CAST: variants seen among roughly 807,000 people sequenced by gnomAD.
CAST encodes the protein calpastatin.
A neutral mutation model predicts 119.6 loss-of-function variants in CAST; 76 were observed. The observed-to-expected ratio is 0.64, with a 90% CI of 0.53 to 0.77. The LOEUF (loss-of-function observed/expected upper bound fraction) is 0.77. CAST is among the 30% of genes least tolerant of loss of function. The pLI, the probability that CAST is intolerant of heterozygous loss-of-function variation, is 0.00. For synonymous variants in CAST, 319 were observed against 331.6 expected, an observed-to-expected ratio of 0.96 and a Z score of 0.41; for missense variants, 953 against 946.5, an observed-to-expected ratio of 1.01 and a Z score of -0.09.
chr5:96,395,174 C>G, the CAST span: 1 of 702,202 alleles, frequency 1.4e-6, no homozygotes, highest in Non-Finnish European at 2.5e-6. Flanking sequence ...TCCACTCTTG[C>G]TATAAAAATT....
intron 1 of CAST, among the ~76,000 whole-genome samples, chr5:96,620,640 A>G (rs867392916): frequency 6.6e-6 from 1 of 152,164 alleles, no homozygotes; most frequent in Non-Finnish European, 1.5e-5. Context: ...TTGACTTATG[A>G]TATTTATCAA....
the CAST span, among the ~76,000 whole-genome samples, chr5:96,325,586 C>A: frequency 1.3e-5 from 2 of 151,854 alleles, no homozygotes; most frequent in East Asian, 3.9e-4. Context: ...CTCAAGCCAT[C>A]CTCCCACTTC....
the CAST span, chr5:96,412,495 G>T: frequency 6.2e-7 from 1 of 1,613,310 alleles, no homozygotes; most frequent in South Asian, 1.1e-5. Context: ...TTATGCCTGA[G>T]AAACAAAATA....
chr5:96,167,800 T>C, the CAST span, among the ~76,000 whole-genome samples: 1 of 152,170 alleles, frequency 6.6e-6, no homozygotes, highest in Non-Finnish European at 1.5e-5. Flanking sequence ...CCAAGAGGTA[T>C]TTTAGTTTCC....
the CAST span, among the ~76,000 whole-genome samples, chr5:96,190,347 A>T: frequency 4.8e-4 from 73 of 152,150 alleles, no homozygotes; most frequent in African/African-American, 1.7e-3. Flanking sequence ...GGGAAGGGAG[A>T]TCAGAAAGTG....
the CAST span, among the ~76,000 whole-genome samples, chr5:96,226,776 G>A: frequency 6.6e-6 from 1 of 152,088 alleles, no homozygotes; most frequent in African/African-American, 2.4e-5. Flanking sequence ...TCCCCCACTT[G>A]TTCTACCCAA....
chr5:96,263,402 C>T, the CAST span, among the ~76,000 whole-genome samples: 2 of 152,018 alleles, frequency 1.3e-5, no homozygotes, highest in African/African-American at 4.8e-5. Context: ...TCAAGGACCC[C>T]ACTGAGAGTG....
chr5:96,280,282 A>C, the CAST span, among the ~76,000 whole-genome samples: 9 of 152,242 alleles, frequency 5.9e-5, no homozygotes, highest in African/African-American at 2.2e-4. Context: ...CCACTCCCCC[A>C]GTCCCCACAC....
the CAST span, among the ~76,000 whole-genome samples, chr5:96,263,150 G>A: frequency 3.3e-5 from 5 of 152,280 alleles, no homozygotes; most frequent in South Asian, 2.1e-4. Context: ...GGGTATGGGC[G>A]TCAGTATATT....
chr5:96,593,147 T>C (rs555342319), intron 1 of CAST, among the ~76,000 whole-genome samples: 6 of 152,372 alleles, frequency 3.9e-5, no homozygotes, highest in African/African-American at 1.4e-4. Flanking sequence ...TCCATCAAAC[T>C]GCTGTCGTCC....
chr5:96,750,645 G>A lies in CAST; in HGVS notation c.1487G>A (p.Cys496Tyr). Residue 496 changes from cysteine (C) to tyrosine (Y), a missense_variant, in exon 20 of 32, where the codon TGT (cysteine) becomes TAT (tyrosine). Physicochemically the swap from Cys to Tyr is radical, Grantham distance 194. Transcript: ENST00000675179. Reference sequence around the variant, plus strand: ...GAGGCTGTGTGTCGGACCTCCATGTGTAGTATACAGTCAGCACCCCCTGAG... The same window carrying A: ...GAGGCTGTGTGTCGGACCTCCATGTATAGTATACAGTCAGCACCCCCTGAG... ...VSEAVCRTSM[C>Y]SIQSAPPEPA... 1 of 1,613,476 alleles carries A rather than the reference G, an allele frequency of 6.2e-7. No homozygotes were observed. The highest frequency in any genetic ancestry group is 8.5e-7 in the Non-Finnish European group (1 of 1,179,526).
intron 1 of CAST, among the ~76,000 whole-genome samples, chr5:96,644,706 G>A (rs1439702534): frequency 1.3e-5 from 2 of 152,190 alleles, no homozygotes; most frequent in Non-Finnish European, 2.9e-5. Context: ...CAGGCGCCGT[G>A]GCTCACGCCT....
the CAST span, among the ~76,000 whole-genome samples, chr5:96,350,575 T>C: frequency 6.6e-6 from 1 of 152,108 alleles, no homozygotes; most frequent in Admixed American, 6.6e-5. Context: ...ATATGTAGCT[T>C]TTTTTTCTTT....
At chr5:95,961,741 C>T in the CAST span, 1 of 1,537,612 alleles carries the variant, frequency 6.5e-7, no homozygotes, top group East Asian at 2.5e-5. Flanking sequence ...CCCGGGGTGC[C>T]GCCGCCGCCG....
intron 8 of CAST, among the ~76,000 whole-genome samples, chr5:96,730,513 C>T (rs1760235644): frequency 6.6e-6 from 1 of 152,186 alleles, no homozygotes; most frequent in South Asian, 2.1e-4. Context: ...AGAGCCATTA[C>T]ACCTGGTATG....
chr5:96,365,754 T>C, the CAST span, among the ~76,000 whole-genome samples: 2 of 152,192 alleles, frequency 1.3e-5, no homozygotes, highest in Non-Finnish European at 2.9e-5. Flanking sequence ...ATATAGCACA[T>C]TGATGGGTCT....
the CAST span, among the ~76,000 whole-genome samples, chr5:96,265,836 G>A: frequency 6.6e-6 from 1 of 151,966 alleles, no homozygotes; most frequent in Non-Finnish European, 1.5e-5. Context: ...AATAAATTTT[G>A]CTGTTTGTTT....
the CAST span, among the ~76,000 whole-genome samples, chr5:96,303,798 C>T: frequency 1.3e-5 from 2 of 152,100 alleles, no homozygotes; most frequent in African/African-American, 4.8e-5. Context: ...TTTATGGCTG[C>T]ATAGTATGCC....
chr5:96,548,753 G>A (rs1028008109), intron 1 of CAST, among the ~76,000 whole-genome samples: 2 of 152,196 alleles, frequency 1.3e-5, no homozygotes, highest in Admixed American at 1.3e-4. Context: ...CTTCTGGGTA[G>A]AGCTGCCAGA....
Sources: gnomAD v4.1 joint callset for allele counts (sites outside exome capture counted in the v4.1 genomes callset) on GRCh38, gnomAD v4.1.1 for gene constraint, MANE v1.5 for transcripts, NCBI Gene and HGNC (gene_info 2026-07-23, HGNC 2026-07-21) for gene names.